Variants in RAB32 observed in about 807,000 individuals in gnomAD.
The protein encoded by RAB32 is ras-related protein Rab-32.
RAB32 carries 17 observed loss-of-function variants against 17.5 expected under a neutral mutation model. The ratio of observed to expected loss-of-function variants is 0.97; its 90% CI spans 0.67 to 1.46. The LOEUF (loss-of-function observed/expected upper bound fraction) is 1.46, where lower values mean the gene tolerates loss of function less well. RAB32 is among the 40% of genes most tolerant of loss of function. The pLI, the probability that RAB32 is intolerant of heterozygous loss-of-function variation, is 0.00. For missense variants in RAB32, 288 were observed against 284.3 expected, an observed-to-expected ratio of 1.01 and a Z score of -0.09; for synonymous variants, 115 against 111.1, an observed-to-expected ratio of 1.04 and a Z score of -0.22.
At chr6:146,550,174 A>T (rs1295623483) in intron 2 of RAB32, among the ~76,000 whole-genome samples, 1 of 152,208 alleles carries the variant, frequency 6.6e-6, no homozygotes, top group African/African-American at 2.4e-5. Context: ...TATTCAGATG[A>T]TGTTTGAAGA....
chr6:146,549,220 T>G, intron 1 of RAB32, among the ~76,000 whole-genome samples: 1 of 152,292 alleles, frequency 6.6e-6, no homozygotes, highest in African/African-American at 2.4e-5. Flanking sequence ...GTCATATTGG[T>G]TTTTATGGAG....
intron 2 of RAB32, among the ~76,000 whole-genome samples, chr6:146,552,559 T>A (rs543137563): frequency 1.3e-5 from 2 of 152,280 alleles, no homozygotes; most frequent in South Asian, 4.2e-4. Flanking sequence ...TAAGAGTATA[T>A]GCATATATAT....
rs746946025 is a variant in RAB32 at position 146,554,441 on chromosome 6, A to T, written c.529-15A>T. The T allele has an allele frequency of 6.3e-7, 1 of 1,590,224 alleles. No homozygotes were observed. The highest frequency in any genetic ancestry group is 1.9e-5 in the Admixed American group (1 of 53,106). ...ATCCTAAAAATTAATCCCGTTCTTC[A>T]TTTCTGCATTACAGGATAACATAAA... On this transcript the variant is annotated splice_polypyrimidine_tract_variant and intron_variant, in intron 2 of 2. Coordinates refer to ENST00000367495, the MANE Select transcript of RAB32 (RefSeq NM_006834.5).
At chr6:146,547,434 CA>C (rs995300507) in intron 1 of RAB32, among the ~76,000 whole-genome samples, 10 of 151,838 alleles carry the variant, frequency 6.6e-5, no homozygotes, top group Non-Finnish European at 1.3e-4. Flanking sequence ...TCCTTTGGGC[CA>C]AAGGACAAAT....
In RAB32 at chr6:146,544,037, G is replaced by A. The variant is rs772762437; in HGVS notation, c.166G>A (p.Ala56Thr). ...VHQLFSQHYR[A>T]TIGVDFALKV... ...CCAGCTCTTCTCCCAGCACTACCGG[G>A]CCACCATCGGGGTGGACTTCGCCCT... Residue 56 changes from alanine to threonine, a missense_variant, in exon 1 of 3, where the codon GCC becomes ACC. Ala to Thr is a moderately conservative substitution (Grantham distance 58). Coordinates refer to ENST00000367495, the MANE Select transcript of RAB32 (RefSeq NM_006834.5). 1.2e-6 allele frequency: 2 copies of A among 1,613,912 alleles called. No homozygotes were observed. The highest frequency in any genetic ancestry group is 2.2e-5 in the South Asian group (2 of 91,082).
intron 2 of RAB32, among the ~76,000 whole-genome samples, chr6:146,552,110 A>G (rs1159931601): frequency 6.6e-6 from 1 of 152,210 alleles, no homozygotes; most frequent in Non-Finnish European, 1.5e-5. Context: ...TAACTTTTGC[A>G]AATAAATTTC....
chr6:146,543,964 C>T lies in RAB32; in HGVS notation c.93C>T (p.Ile31=). The T allele has an allele frequency of 1.9e-6, 3 of 1,613,354 alleles. No homozygotes were observed. The highest frequency in any genetic ancestry group is 2.2e-5 in the East Asian group (1 of 44,786). ...AGCACCTCTTCAAGGTGCTGGTGAT[C>T]GGCGAGCTTGGCGTGGGCAAGACCA... The part of the protein sequence containing the change: ...TREHLFKVLV[I]GELGVGKTSI... The change falls in exon 1 of 3, where the codon ATC becomes ATT. Residue 31 remains isoleucine (I), a synonymous_variant. Transcript: ENST00000367495.
Position 146,544,191 on chromosome 6 carries a change from T to C in RAB32, c.250+70T>C. 7.4e-6 allele frequency: 11 copies of C among 1,490,748 alleles called. No individual in the cohort carries two copies. In the South Asian group the frequency reaches 1.4e-4, roughly 20 times the overall value. The allele number at this position is 1,490,748 out of a possible 1,614,324, so 92.3% of individuals were successfully genotyped here. On this transcript the variant is annotated intron_variant, in intron 1 of 2. Transcript: ENST00000367495. ...GCCTGGCTCCTCTCTGCTTCTTTTCTTTTTCTTTTCTGCCTGAACTCGTCT... is the reference window on the plus strand; with the variant it reads ...GCCTGGCTCCTCTCTGCTTCTTTTCCTTTTCTTTTCTGCCTGAACTCGTCT...
At position 146,554,793 on chromosome 6, in the gene RAB32, A is replaced by G. The variant is rs1450714426; in HGVS notation, c.*188A>G. 3 of 500,314 alleles carry G rather than the reference A, an allele frequency of 6.0e-6. No individual in the cohort carries two copies. Among genetic ancestry groups the G allele is most frequent in the Non-Finnish European group, 1.0e-5 (3 of 286,562 alleles). 31.0% of individuals were successfully genotyped at this position (500,314 alleles called of 1,614,324 possible). ...ATCCCTGCTAGTGGCTCTGTAACTT[A>G]ACAGATGACAATTAGGCTTTTGTCA... is the stretch of plus-strand genomic sequence containing the variant. On this transcript the variant is annotated 3_prime_UTR_variant, in exon 3 of 3. Transcript: ENST00000367495.
At chr6:146,553,377 C>G (rs967244251) in intron 2 of RAB32, among the ~76,000 whole-genome samples, 1 of 152,176 alleles carries the variant, frequency 6.6e-6, no homozygotes, top group Admixed American at 6.5e-5. Flanking sequence ...CAACTTGAAG[C>G]AGTGTGCTTC....
At position 146,554,910 on chromosome 6, in the gene RAB32, GC is replaced by G. The variant is rs1186757821; in HGVS notation, c.*306del. 1 of 215,604 alleles carries G rather than the reference GC, an allele frequency of 4.6e-6. No individual in the cohort carries two copies. Among genetic ancestry groups the G allele is most frequent in the African/African-American group, 2.3e-5 (1 of 43,652 alleles). 13.4% of individuals were successfully genotyped at this position (215,604 alleles called of 1,614,324 possible). A position where few individuals can be genotyped will look rare whatever the true frequency, so the allele number is the denominator to read the frequency against. On this transcript the variant is annotated 3_prime_UTR_variant, in exon 3 of 3. Transcript: ENST00000367495. ...GATTTGGTAAGGCTTCCAAGTTGTA[GC>G]TTTTAGTGTAAGTGCTGGGGTGGTA...
At chr6:146,544,240 GA>G in intron 1 of RAB32, 119 bp downstream of exon 1, 1 of 1,341,966 alleles carries the variant, frequency 7.5e-7, no homozygotes, top group Non-Finnish European at 9.9e-7. Context: ...TAGGAGAAGA[GA>G]GAGGCCCAAT....
intron 2 of RAB32, among the ~76,000 whole-genome samples, chr6:146,553,522 AGGTCAT>A (rs1779921739): frequency 6.6e-6 from 1 of 152,172 alleles, no homozygotes; most frequent in Non-Finnish European, 1.5e-5. Context: ...GAGAGTGTCA[AGGTCAT>A]GAAAAGCAAG....
At chr6:146,547,335 G>C (rs943246423) in intron 1 of RAB32, among the ~76,000 whole-genome samples, 2 of 151,962 alleles carry the variant, frequency 1.3e-5, no homozygotes, top group Non-Finnish European at 2.9e-5. Context: ...TGTCCATTTA[G>C]GTCTAGTATA....
At chr6:146,544,465 CG>C (rs1191754703) in intron 1 of RAB32, among the ~76,000 whole-genome samples, 3 of 152,064 alleles carry the variant, frequency 2.0e-5, no homozygotes, top group African/African-American at 7.2e-5. Flanking sequence ...TGCTTTGGAG[CG>C]GGCCGGCGCC....
intron 2 of RAB32, 86 bp from the exon 3 acceptor site, chr6:146,554,369 AT>A: frequency 7.2e-7 from 1 of 1,392,540 alleles, no homozygotes; most frequent in South Asian, 1.6e-5. Flanking sequence ...CCTCTAACAA[AT>A]TTTCCTGGTC....
intron 2 of RAB32, among the ~76,000 whole-genome samples, chr6:146,550,268 G>A (rs962241950): frequency 6.6e-6 from 1 of 152,112 alleles, no homozygotes; most frequent in African/African-American, 2.4e-5. Context: ...AGTAGAGTGA[G>A]AATTTTTTCT....
intron 1 of RAB32, 144 bp from the exon 2 acceptor site, chr6:146,549,320 A>G (rs981023133): frequency 2.5e-5 from 17 of 673,820 alleles, no homozygotes; most frequent in African/African-American, 1.6e-4. Flanking sequence ...GTCTGTATGG[A>G]TAGCCTTAAT....
chr6:146,549,092 C>T (rs1251117632), intron 1 of RAB32, among the ~76,000 whole-genome samples: 1 of 152,206 alleles, frequency 6.6e-6, no homozygotes, highest in Non-Finnish European at 1.5e-5. Flanking sequence ...TTCATTTCTT[C>T]TATTCTTGTC....
Sources: allele counts gnomAD v4.1 joint callset (sites outside exome capture counted in the v4.1 genomes callset), GRCh38; gene constraint gnomAD v4.1.1; transcripts MANE v1.5; gene names NCBI Gene and HGNC (gene_info 2026-07-23, HGNC 2026-07-21).